The following BMPR1B variants were observed in gnomAD, a reference collection of about 807,000 sequenced individuals.
BMPR1B encodes bone morphogenetic protein receptor type 1B.
Under a neutral mutation model 59.1 loss-of-function variants are expected in BMPR1B, and 12 were observed. The observed-to-expected ratio is 0.20, with a 90% CI of 0.13 to 0.33. The LOEUF is 0.33. Among genes scored for constraint, BMPR1B ranks in the 10% least tolerant of loss-of-function variants. BMPR1B has a pLI of 1.00. For missense variants in BMPR1B, 550 were observed against 610.9 expected (o/e 0.90, Z 1.05); for synonymous variants, 237 against 207.3 (o/e 1.14, Z -1.23).
intron 2 of BMPR1B, among the ~76,000 whole-genome samples, chr4:94,993,151 A>G (rs962088736): frequency 1.3e-5 from 2 of 152,150 alleles, no homozygotes; most frequent in African/African-American, 2.4e-5. Flanking sequence ...TTGGCTTCCC[A>G]AAGTGCTGGG....
At chr4:95,111,508 A>G (rs1459748390) in intron 4 of BMPR1B, among the ~76,000 whole-genome samples, 1 of 152,106 alleles carries the variant, frequency 6.6e-6, no homozygotes, top group Non-Finnish European at 1.5e-5. Context: ...ATTCTACAAC[A>G]ACTAATGAAT....
rs1244725051 is a variant in BMPR1B at position 95,065,776 on chromosome 4, TAC to T, written c.-17-38630_-17-38629del. ...GAAGACGGTTCAAGAAAATATCTTC[TAC>T]AAGAAAATATGCAACTAGGAGTCCT... is the stretch of plus-strand genomic sequence containing the variant. On this transcript the variant is annotated intron_variant, in intron 3 of 12. Transcript: ENST00000515059. 2.0e-5 allele frequency among the ~76,000 whole-genome samples: 3 copies of T among 152,166 alleles called. No individual in the cohort carries two copies. In the East Asian group the frequency reaches 5.8e-4, roughly 29 times the overall value.
chr4:95,131,243 A>C lies in BMPR1B; in HGVS notation c.807A>C (p.Thr269=). 1 of 1,613,918 alleles carries C rather than the reference A, an allele frequency of 6.2e-7. No individual in the cohort carries two copies. Among genetic ancestry groups the C allele is most frequent in the Non-Finnish European group, 8.5e-7 (1 of 1,179,910 alleles). The change falls in exon 10 of 13, where the codon ACA becomes ACC. Residue 269 remains threonine, a synonymous_variant. Transcript: ENST00000515059. ...LGFIAADIKG[T]GSWTQLYLIT... ...TCATTGCTGCAGATATCAAAGGGAC[A>C]GGGTCCTGGACCCAGTTGTACCTAA... is the stretch of plus-strand genomic sequence containing the variant.
At chr4:95,015,555 T>A (rs1044440194) in intron 3 of BMPR1B, among the ~76,000 whole-genome samples, 1 of 152,130 alleles carries the variant, frequency 6.6e-6, no homozygotes, top group African/African-American at 2.4e-5. Context: ...CAGACTCATT[T>A]TTTAATTTTT....
intron 3 of BMPR1B, among the ~76,000 whole-genome samples, chr4:95,033,569 C>G (rs959099870): frequency 6.6e-6 from 1 of 152,060 alleles, no homozygotes; most frequent in East Asian, 1.9e-4. Context: ...TTTGAATGGT[C>G]TTGGCATACT....
chr4:95,030,281 A>T (rs190316283), intron 3 of BMPR1B, among the ~76,000 whole-genome samples: 1 of 152,068 alleles, frequency 6.6e-6, no homozygotes, highest in Non-Finnish European at 1.5e-5. Flanking sequence ...TACATCTTGA[A>T]TTAATTTTTG....
At chr4:94,884,792 C>T (rs77588668) in intron 2 of BMPR1B, among the ~76,000 whole-genome samples, 2,242 of 152,290 alleles carry the variant, frequency 0.015, 20 homozygotes, top group Admixed American at 0.02. Flanking sequence ...AGTAAGACTT[C>T]GTAGTTGTTC....
At chr4:95,135,460 C>T (rs1001226509) in intron 10 of BMPR1B, among the ~76,000 whole-genome samples, 4 of 152,072 alleles carry the variant, frequency 2.6e-5, no homozygotes, top group African/African-American at 9.7e-5. Flanking sequence ...GGCAGTATGG[C>T]CATTTTCACG....
chr4:95,041,286 C>T (rs1347594149), intron 3 of BMPR1B, among the ~76,000 whole-genome samples: 2 of 152,046 alleles, frequency 1.3e-5, no homozygotes, highest in African/African-American at 2.4e-5. Context: ...CGGGCTCAAG[C>T]GATCCTCCTA....
At chr4:94,936,094 A>G (rs915104742) in intron 2 of BMPR1B, among the ~76,000 whole-genome samples, 10 of 152,166 alleles carry the variant, frequency 6.6e-5, no homozygotes, top group Non-Finnish European at 8.8e-5. Flanking sequence ...GAGTGCTTCT[A>G]TTGGAACATT....
At position 94,837,464 on chromosome 4, in the gene BMPR1B, G is replaced by A. The variant is rs527747996; in HGVS notation, c.-182-38367G>A. Reference sequence around the variant, plus strand: ...AGTGGTTTGTAGTTCTCCTTGAAGAGGTCCTTCACATCCCTTGGAAGTTGG... The same window carrying A: ...AGTGGTTTGTAGTTCTCCTTGAAGAAGTCCTTCACATCCCTTGGAAGTTGG... On this transcript the variant is annotated intron_variant, in intron 1 of 12. Transcript: ENST00000515059. Among the ~76,000 whole-genome samples the A allele has an allele frequency of 6.3e-5, 9 of 143,490 alleles. No homozygotes were observed. In the East Asian group the frequency reaches 1.2e-3, roughly 19 times the overall value. The allele number at this position is 143,490 out of a possible 152,430, so 94.1% of individuals were successfully genotyped here. A position where few individuals can be genotyped will look rare whatever the true frequency, so the allele number is the denominator to read the frequency against.
At chr4:94,960,477 G>A (rs7700065) in intron 2 of BMPR1B, among the ~76,000 whole-genome samples, 22 of 152,174 alleles carry the variant, frequency 1.4e-4, no homozygotes, top group South Asian at 1.0e-3. Flanking sequence ...ATGTTAGAGC[G>A]TAACAGAAGA....
intron 8 of BMPR1B, among the ~76,000 whole-genome samples, chr4:95,128,041 A>T (rs1367180229): frequency 2.0e-5 from 3 of 151,808 alleles, no homozygotes; most frequent in African/African-American, 7.3e-5. Context: ...GTGTGCTACC[A>T]CACCTGGCTA....
chr4:95,113,590 A>G (rs1731787394), intron 4 of BMPR1B, among the ~76,000 whole-genome samples: 1 of 152,092 alleles, frequency 6.6e-6, no homozygotes, highest in Non-Finnish European at 1.5e-5. Flanking sequence ...AAGGATAGAG[A>G]TATAGTTTAG....
At chr4:95,045,086 T>C (rs1725941489) in intron 3 of BMPR1B, among the ~76,000 whole-genome samples, 1 of 152,162 alleles carries the variant, frequency 6.6e-6, no homozygotes, top group Admixed American at 6.6e-5. Context: ...TAACTGTTGT[T>C]ATTAATGTGC....
chr4:95,014,546 G>T (rs1272560786), intron 3 of BMPR1B, among the ~76,000 whole-genome samples: 1 of 152,166 alleles, frequency 6.6e-6, no homozygotes, highest in Non-Finnish European at 1.5e-5. Flanking sequence ...CTTATACAGA[G>T]TGAAAGGCCA....
At chr4:95,102,431 TC>T (rs774989247) in intron 3 of BMPR1B, among the ~76,000 whole-genome samples, 2 of 152,234 alleles carry the variant, frequency 1.3e-5, no homozygotes, top group Non-Finnish European at 2.9e-5. Flanking sequence ...GACATTTGCA[TC>T]ATAAATGAAT....
chr4:95,117,661 C>A (rs1732169751), intron 6 of BMPR1B, among the ~76,000 whole-genome samples: 1 of 152,028 alleles, frequency 6.6e-6, no homozygotes, highest in Non-Finnish European at 1.5e-5. Context: ...TGGTATACAT[C>A]TGTAGTTGCA....
chr4:94,981,003 A>ACGCGCGCGTACGTGCGCG (rs141994255), intron 2 of BMPR1B, among the ~76,000 whole-genome samples: 8 of 90,796 alleles, frequency 8.8e-5, no homozygotes, highest in South Asian at 3.9e-4. Context: ...ACACACACAC[A>ACGCGCGCGTACGTGCGCG]CACACACACA....
Sources: gnomAD v4.1 joint callset for allele counts (sites outside exome capture counted in the v4.1 genomes callset) on GRCh38, gnomAD v4.1.1 for gene constraint, MANE v1.5 for transcripts, NCBI Gene and HGNC (gene_info 2026-07-23, HGNC 2026-07-21) for gene names.